The following PISD variants were observed in gnomAD, a reference collection of about 807,000 sequenced individuals.
PISD encodes the protein phosphatidylserine decarboxylase.
In PISD, 31 loss-of-function variants were observed where a neutral mutation model predicts 43.5. The observed-to-expected ratio is 0.71, with a 90% confidence interval of 0.54 to 0.96. The LOEUF (loss-of-function observed/expected upper bound fraction) is 0.96. PISD is among the 40% of genes least tolerant of loss of function. The pLI is 0.00. For missense variants in PISD, 523 were observed against 548.4 expected (o/e 0.95, Z 0.46); for synonymous variants, 259 against 228.7 (o/e 1.13, Z -1.20).
At chr22:31,648,756 C>T (rs891319181) in intron 2 of PISD, among the ~76,000 whole-genome samples, 9 of 152,016 alleles carry the variant, frequency 5.9e-5, no homozygotes, top group Non-Finnish European at 1.0e-4. Context: ...ACTACTCAGA[C>T]CCTCCTGTCT....
intron 3 of PISD, among the ~76,000 whole-genome samples, chr22:31,634,992 C>T (rs554881116): frequency 1.3e-5 from 2 of 151,906 alleles, no homozygotes; most frequent in African/African-American, 4.8e-5. Flanking sequence ...CATGGTGAAA[C>T]CCTGTCTCTA....
intron 3 of PISD, chr22:31,628,850 C>A: frequency 1.0e-6 from 1 of 985,536 alleles, no homozygotes; most frequent in Non-Finnish European, 1.2e-6. Context: ...TCCAACACCT[C>A]ACCTCTCTTT....
chr22:31,621,349 G>A lies in PISD; in HGVS notation c.682C>T (p.Leu228=). 6.2e-7 allele frequency: 1 copy of A among 1,614,062 alleles called. No individual in the cohort carries two copies. The highest frequency in any genetic ancestry group is 8.5e-7 in the Non-Finnish European group (1 of 1,180,016). The change falls in exon 5 of 8, where the codon CTG becomes TTG. Residue 228 remains leucine, a synonymous_variant. Transcript: ENST00000439502. ...FLGPRMCTED[L]PFPPAASCDS... is the part of the protein sequence containing the mutation. ...AGTGACCCACCTGGTGGGAAGGGCA[G>A]GTCCTCTGTGCACATACGCGGGCCC...
chr22:31,652,130 T>C (rs1299295402), intron 1 of PISD, among the ~76,000 whole-genome samples: 1 of 150,810 alleles, frequency 6.6e-6, no homozygotes, highest in Non-Finnish European at 1.5e-5. Context: ...GGATATTTAG[T>C]TATGTCTTTT....
At chr22:31,628,857 C>T in intron 3 of PISD, 1 of 985,514 alleles carries the variant, frequency 1.0e-6, no homozygotes, top group Non-Finnish European at 1.2e-6. Flanking sequence ...CCTCACCTCT[C>T]TTTCCAAAAA....
chr22:31,653,154 G>T (rs1021545046), intron 1 of PISD, among the ~76,000 whole-genome samples: 10 of 151,454 alleles, frequency 6.6e-5, no homozygotes, highest in Non-Finnish European at 2.9e-5. Context: ...TTACCATGAC[G>T]AGCACCACCC....
rs2073876498 is a variant in PISD, at chr22:31,645,948, A to AGT, written c.321+2151_321+2152dup. On this transcript the variant is annotated intron_variant, in intron 3 of 7. Coordinates refer to ENST00000439502, the MANE Select transcript of PISD (RefSeq NM_001326411.2). ...TTGGGTCACATCCCCAAGTTATCTCAGTATATATATATATACAAATATTGA... is the reference window on the plus strand; with the variant it reads ...TTGGGTCACATCCCCAAGTTATCTCAGTGTATATATATATATACAAATATTGA... Among the ~76,000 whole-genome samples, 4 of 151,824 alleles carry AGT rather than the reference A, an allele frequency of 2.6e-5. No individual in the cohort carries two copies. In the South Asian group the frequency reaches 8.4e-4, roughly 32 times the overall value.
At chr22:31,659,253 C>T (rs1161230878) in intron 1 of PISD, among the ~76,000 whole-genome samples, 2 of 152,148 alleles carry the variant, frequency 1.3e-5, no homozygotes, top group African/African-American at 4.8e-5. Context: ...TAAAACAGAA[C>T]GGACAGACCT....
intron 3 of PISD, chr22:31,628,369 C>T (rs1354759190): frequency 2.1e-5 from 4 of 187,414 alleles, no homozygotes; most frequent in Non-Finnish European, 4.0e-5. Context: ...AAGATTTCAT[C>T]CTCTCTGGCT....
intron 2 of PISD, among the ~76,000 whole-genome samples, chr22:31,649,857 T>C (rs1331804723): frequency 6.6e-6 from 1 of 152,218 alleles, no homozygotes; most frequent in Non-Finnish European, 1.5e-5. Context: ...ACATGGAGAA[T>C]ACCAGGTGAA....
At position 31,650,753 on chromosome 22, in the gene PISD, G is replaced by C. The variant is rs1335249154; in HGVS notation, c.91C>G (p.Leu31Val). The C allele has an allele frequency of 6.4e-7, 1 of 1,555,156 alleles. No individual in the cohort carries two copies. Among genetic ancestry groups the C allele is most frequent in the East Asian group, 2.4e-5 (1 of 41,466 alleles). ...SSLHPCEITA[L>V]SQSLQPLRKL... ...CGTAAGGGCTGTAGGGATTGGCTCAGGGCAGTGATCTCACAGGGATGGAGG... is the reference window on the plus strand; with the variant it reads ...CGTAAGGGCTGTAGGGATTGGCTCACGGCAGTGATCTCACAGGGATGGAGG... The change falls in exon 2 of 8, where the codon CTG becomes GTG. Residue 31 changes from leucine to valine, a missense_variant. Transcript: ENST00000439502.
intron 3 of PISD, chr22:31,638,552 G>A (rs2073587389): frequency 7.1e-6 from 7 of 985,140 alleles, no homozygotes; most frequent in East Asian, 1.1e-4. Context: ...GAGGCAAAAC[G>A]GGTAGTAAGG....
chr22:31,640,704 C>T (rs1355931124), intron 3 of PISD, among the ~76,000 whole-genome samples: 3 of 149,672 alleles, frequency 2.0e-5, no homozygotes, highest in Admixed American at 6.7e-5. Context: ...CCTCAGCCTC[C>T]CGAGTAGCAG....
rs1247998922 is a variant in PISD at position 31,630,256 on chromosome 22, C to A, written c.322-8371G>T. Among the ~76,000 whole-genome samples the A allele has an allele frequency of 6.6e-6, 1 of 152,096 alleles. No homozygotes were observed. The highest frequency in any genetic ancestry group is 1.5e-5 in the Non-Finnish European group (1 of 68,000). ...CTAGCCGCCCAAAGACAGGGAACCT[C>A]CTCTCAGACAACTCTGGGTGCTGAG... On this transcript the variant is annotated intron_variant, in intron 3 of 7. Transcript: ENST00000439502. The surrounding 1 kb of genome is among the most constrained non-coding windows in gnomAD (Gnocchi z 4.4).
At chr22:31,643,592 T>C (rs1352522559) in intron 3 of PISD, among the ~76,000 whole-genome samples, 5 of 152,080 alleles carry the variant, frequency 3.3e-5, no homozygotes, top group African/African-American at 1.2e-4. Context: ...CAAGACCCTG[T>C]CTCTGAAAAA....
intron 1 of PISD, among the ~76,000 whole-genome samples, chr22:31,657,207 G>C (rs2074203613): frequency 6.6e-6 from 1 of 152,112 alleles, no homozygotes; most frequent in African/African-American, 2.4e-5. Context: ...CATGATCTCA[G>C]CTCACCGCAA....
At chr22:31,637,664 A>C (rs562712034) in intron 3 of PISD, among the ~76,000 whole-genome samples, 2 of 152,314 alleles carry the variant, frequency 1.3e-5, no homozygotes, top group East Asian at 3.9e-4. Flanking sequence ...AGCAAAGAAG[A>C]AACAGTGAAA....
Position 31,650,734 on chromosome 22 carries a change from G to C in PISD, c.110C>G (p.Pro37Arg). The C allele has an allele frequency of 6.4e-7, 1 of 1,556,270 alleles. No individual in the cohort carries two copies. Among genetic ancestry groups the C allele is most frequent in the African/African-American group, 1.4e-5 (1 of 73,424 alleles). The change falls in exon 2 of 8, where the codon CCC becomes CGC. Residue 37 changes from proline (P) to arginine (R), a missense_variant. Pro to Arg is a moderately radical substitution (Grantham distance 103). Coordinates refer to ENST00000439502, the MANE Select transcript of PISD (RefSeq NM_001326411.2). ...EITALSQSLQPLRKLPFRAFR... is the reference protein window; with the variant it reads ...EITALSQSLQRLRKLPFRAFR... ...GGCTCTAAAAGGCAGCTTCCGTAAGGGCTGTAGGGATTGGCTCAGGGCAGT... is the reference window on the plus strand; with the variant it reads ...GGCTCTAAAAGGCAGCTTCCGTAAGCGCTGTAGGGATTGGCTCAGGGCAGT...
At chr22:31,631,594 C>T (rs966586976) in intron 3 of PISD, among the ~76,000 whole-genome samples, 5 of 152,216 alleles carry the variant, frequency 3.3e-5, no homozygotes, top group African/African-American at 9.6e-5. Flanking sequence ...CTTCCCACCC[C>T]GCTAGATCGG....
Sources: allele counts gnomAD v4.1 joint callset (sites outside exome capture counted in the v4.1 genomes callset), GRCh38; gene constraint gnomAD v4.1.1; non-coding constraint Gnocchi (gnomAD v3.1); transcripts MANE v1.5; gene names NCBI Gene and HGNC (gene_info 2026-07-23, HGNC 2026-07-21).